The following DIP2C variants were observed in gnomAD, a reference collection of about 807,000 sequenced individuals.
DIP2C encodes the protein disco-interacting protein 2 homolog C.
In DIP2C, 33 loss-of-function variants were observed where a neutral mutation model predicts 192.4. The ratio of observed to expected loss-of-function variants is 0.17; its 90% confidence interval spans 0.13 to 0.23. The LOEUF (loss-of-function observed/expected upper bound fraction) is 0.23, where lower values mean the gene tolerates loss of function less well. DIP2C is among the 10% of genes least tolerant of loss of function. DIP2C has a pLI of 1.00. For synonymous variants in DIP2C, 979 were observed against 864.1 expected, an observed-to-expected ratio of 1.13 and a Z score of -2.33; for missense variants, 1,537 against 2,110.1, an observed-to-expected ratio of 0.73 and a Z score of 5.32.
rs1554887229 is a variant in DIP2C at position 512,922 on chromosome 10, G to GAGAA, written c.86-26393_86-26392insTTCT. Among the ~76,000 whole-genome samples the GAGAA allele has an allele frequency of 8.9e-4, 82 of 92,182 alleles. 1 individual carries two copies. The highest frequency in any genetic ancestry group is 2.8e-3 in the African/African-American group (64 of 22,942). 60.5% of individuals were successfully genotyped at this position (92,182 alleles called of 152,430 possible). A position where few individuals can be genotyped will look rare whatever the true frequency, so the allele number is the denominator to read the frequency against. ...TGACAACAGCGAGACCCCACTTCAGGAAAAAAAAAAAAAAAAAAAAAAGGG... is the reference window on the plus strand; with the variant it reads ...TGACAACAGCGAGACCCCACTTCAGGAGAAAAAAAAAAAAAAAAAAAAAAAAGGG... On this transcript the variant is annotated intron_variant, in intron 1 of 36. Coordinates refer to ENST00000280886, the MANE Select transcript of DIP2C (RefSeq NM_014974.3).
chr10:396,884 GCAGCTACCA>G (rs1160542003), intron 10 of DIP2C, among the ~76,000 whole-genome samples: 1 of 151,814 alleles, frequency 6.6e-6, no homozygotes, highest in East Asian at 1.9e-4. Flanking sequence ...TTCTCCCATA[GCAGCTACCA>G]CAGACTCCCC....
chr10:490,262 C>T (rs914216238), intron 1 of DIP2C, among the ~76,000 whole-genome samples: 5 of 152,236 alleles, frequency 3.3e-5, no homozygotes, highest in African/African-American at 4.8e-5. Flanking sequence ...TTAATTCCTG[C>T]CTCTCTTCTC....
At chr10:542,597 G>A (rs944569221) in intron 1 of DIP2C, among the ~76,000 whole-genome samples, 10 of 152,208 alleles carry the variant, frequency 6.6e-5, no homozygotes, top group Non-Finnish European at 8.8e-5. Flanking sequence ...TTCAACAATC[G>A]GATTGGGGAA....
intron 9 of DIP2C, among the ~76,000 whole-genome samples, chr10:407,217 C>T (rs1277661094): frequency 3.9e-5 from 6 of 152,214 alleles, no homozygotes; most frequent in South Asian, 4.1e-4. Context: ...CTCGCAGGAA[C>T]GGAATCACGC....
chr10:469,375 G>C (rs1483859011), intron 3 of DIP2C, among the ~76,000 whole-genome samples: 2 of 149,774 alleles, frequency 1.3e-5, no homozygotes, highest in South Asian at 2.1e-4. Flanking sequence ...GGAGTGCAGT[G>C]GTATGATCTC....
At chr10:389,836 G>A (rs1432802920) in intron 13 of DIP2C, among the ~76,000 whole-genome samples, 155 bp downstream of exon 13, 1 of 152,254 alleles carries the variant, frequency 6.6e-6, no homozygotes, top group Non-Finnish European at 1.5e-5. Context: ...ATGGTAGGCT[G>A]AGCTGATATC....
chr10:672,055 A>G (rs1261441277), intron 1 of DIP2C, among the ~76,000 whole-genome samples: 159 of 131,830 alleles, frequency 1.2e-3, no homozygotes, highest in African/African-American at 4.7e-3. Context: ...GGCCACAGAC[A>G]CACAGACGGA....
intron 1 of DIP2C, among the ~76,000 whole-genome samples, chr10:642,913 C>T (rs1279562325): frequency 6.6e-6 from 1 of 152,226 alleles, no homozygotes; most frequent in Non-Finnish European, 1.5e-5. Flanking sequence ...ATTTAAGAAT[C>T]AAACACAGGG....
intron 1 of DIP2C, among the ~76,000 whole-genome samples, chr10:562,446 CCTT>C (rs1211326579): frequency 3.8e-4 from 58 of 152,296 alleles, no homozygotes; most frequent in Admixed American, 2.0e-3. Flanking sequence ...ATTTCAGTCT[CCTT>C]CATTTGAATC....
rs1359909085 is a variant in DIP2C, at chr10:310,026, A to C, written c.3986+5T>G. The stretch of plus-strand genomic sequence containing the variant: ...AAAAAGAAAAAACCCAGAAGTGTAC[A>C]GTACCTGTCGTGTCTCAGGGCTCTC... On this transcript the variant is annotated splice_donor_5th_base_variant and intron_variant, in intron 32 of 36. Coordinates refer to ENST00000280886, the MANE Select transcript of DIP2C (RefSeq NM_014974.3). The C allele has an allele frequency of 6.2e-7, 1 of 1,614,144 alleles. No homozygotes were observed. Among genetic ancestry groups the C allele is most frequent in the South Asian group, 1.1e-5 (1 of 91,076 alleles).
intron 3 of DIP2C, among the ~76,000 whole-genome samples, chr10:465,755 G>A (rs997598465): frequency 6.6e-5 from 10 of 151,324 alleles, no homozygotes; most frequent in African/African-American, 2.4e-4. Context: ...CAGACAAACA[G>A]AGAGCCAAAT....
rs147106496 is a variant in DIP2C, at chr10:433,546, T to C, written c.394+7325A>G. Among the ~76,000 whole-genome samples the C allele has an allele frequency of 4.3e-3, 660 of 152,192 alleles. 4 individuals carry two copies. The highest frequency in any genetic ancestry group is 0.024 in the Middle Eastern group (7 of 294). On this transcript the variant is annotated intron_variant, in intron 4 of 36. Transcript: ENST00000280886. ...GGAAAAAAAAAATAGCCAGGCATGATGACAAATGCCTGTAGTCCCAGCTAC... is the reference window on the plus strand; with the variant it reads ...GGAAAAAAAAAATAGCCAGGCATGACGACAAATGCCTGTAGTCCCAGCTAC...
chr10:523,349 G>A (rs1846838751), intron 1 of DIP2C, among the ~76,000 whole-genome samples: 1 of 148,556 alleles, frequency 6.7e-6, no homozygotes, highest in Non-Finnish European at 1.5e-5. Context: ...AAAGGACCCT[G>A]GAGTGACGAT....
At position 419,213 on chromosome 10, in the gene DIP2C, C is replaced by G; in HGVS notation, c.605-14G>C. The stretch of plus-strand genomic sequence containing the variant: ...CAGAATGATTTTCTGTAAAGAAACA[C>G]ATCATGAGATTTTCTGGTGGTTGTG... On this transcript the variant is annotated splice_polypyrimidine_tract_variant and intron_variant, in intron 5 of 36. Coordinates refer to ENST00000280886, the MANE Select transcript of DIP2C (RefSeq NM_014974.3). 1 of 1,614,126 alleles carries G rather than the reference C, an allele frequency of 6.2e-7. No individual in the cohort carries two copies. Among genetic ancestry groups the G allele is most frequent in the Non-Finnish European group, 8.5e-7 (1 of 1,179,994 alleles).
At chr10:397,669 G>A (rs1414296627) in intron 10 of DIP2C, among the ~76,000 whole-genome samples, 1 of 152,240 alleles carries the variant, frequency 6.6e-6, no homozygotes, top group Non-Finnish European at 1.5e-5. Flanking sequence ...ACAGGGAGCA[G>A]CAGCGTGACC....
In DIP2C at chr10:603,407, G is replaced by A. The variant is rs182629627; in HGVS notation, c.85+86087C>T. On this transcript the variant is annotated intron_variant, in intron 1 of 36. Coordinates refer to ENST00000280886, the MANE Select transcript of DIP2C (RefSeq NM_014974.3). The stretch of plus-strand genomic sequence containing the variant: ...ATACCCCAACCCTTATTCAAAGGTC[G>A]CCTAACACTGACTCAGGACCTCTGT... 1.8e-3 allele frequency among the ~76,000 whole-genome samples: 263 copies of A among 146,440 alleles called. 3 individuals are homozygous for A. Among genetic ancestry groups the A allele is most frequent in the African/African-American group, 6.2e-3 (246 of 39,372 alleles).
chr10:687,763 T>A (rs534940804), intron 1 of DIP2C, among the ~76,000 whole-genome samples: 1 of 152,288 alleles, frequency 6.6e-6, no homozygotes, highest in East Asian at 1.9e-4. Context: ...AAGGCCACAA[T>A]GCCCAACACA....
intron 31 of DIP2C, among the ~76,000 whole-genome samples, chr10:310,698 G>A (rs1030838188): frequency 6.6e-6 from 1 of 152,170 alleles, no homozygotes; most frequent in Non-Finnish European, 1.5e-5. Context: ...ATTCCACTGG[G>A]CTGTTGATTT....
At chr10:440,209 A>C (rs1215554039) in intron 4 of DIP2C, among the ~76,000 whole-genome samples, 1 of 152,244 alleles carries the variant, frequency 6.6e-6, no homozygotes, top group African/African-American at 2.4e-5. Context: ...CACAAATATA[A>C]ATGGGCTATT....
Sources: allele counts gnomAD v4.1 joint callset (sites outside exome capture counted in the v4.1 genomes callset), GRCh38; gene constraint gnomAD v4.1.1; transcripts MANE v1.5; gene names NCBI Gene and HGNC (gene_info 2026-07-23, HGNC 2026-07-21).